LRRC24: variants seen among roughly 807,000 people sequenced by gnomAD.
The protein encoded by LRRC24 is leucine-rich repeat-containing protein 24.
LRRC24 carries 19 observed loss-of-function variants against 15.3 expected under a neutral mutation model. That is an observed-to-expected ratio of 1.25 (90% CI 0.87 to 1.83). The LOEUF is 1.83. Ranked by LOEUF, LRRC24 falls within the 40% of genes most tolerant of loss-of-function variation. The probability of loss-of-function intolerance (pLI) is 0.00; values close to 1 mark genes in which losing one functional copy is unlikely to be tolerated. For missense variants in LRRC24, 914 were observed against 723.9 expected (o/e 1.26, Z -3.01); for synonymous variants, 469 against 359.6 (o/e 1.30, Z -3.44).
intron 4 of LRRC24, 130 bp downstream of exon 4, chr8:144,523,980 G>A: frequency 4.6e-6 from 5 of 1,083,904 alleles, no homozygotes; most frequent in Middle Eastern, 6.3e-4. Context: ...CTCCAGTGTG[G>A]CTGCAGGCGG....
chr8:144,524,605 C>G lies in LRRC24; in HGVS notation c.274G>C (p.Gly92Arg). Residue 92 changes from glycine (G) to arginine (R), a missense_variant, in exon 3 of 5, where the codon GGC (glycine) becomes CGC (arginine). Physicochemically the swap from Gly to Arg is moderately radical, Grantham distance 125 (BLOSUM62 -2). Coordinates refer to ENST00000529415, the MANE Select transcript of LRRC24 (RefSeq NM_001024678.4). ...AGGCGCGGCTGCGCGCGGAAGGCGCCGGCCTCCAGGGCGCGCAGGCTGTTG... is the reference window on the plus strand; with the variant it reads ...AGGCGCGGCTGCGCGCGGAAGGCGCGGGCCTCCAGGGCGCGCAGGCTGTTG... ...HNNSLRALEA[G>R]AFRAQPRLLE... 1.3e-6 allele frequency: 2 copies of G among 1,526,880 alleles called. No individual in the cohort carries two copies. Among genetic ancestry groups the G allele is most frequent in the Non-Finnish European group, 8.7e-7 (1 of 1,145,744 alleles). The allele number at this position is 1,526,880 out of a possible 1,614,324, so 94.6% of individuals were successfully genotyped here.
In LRRC24 at chr8:144,522,491, T is replaced by G. The variant is rs1358667334; in HGVS notation, c.1526A>C (p.Tyr509Ser). The change falls in exon 5 of 5, where the codon TAC (tyrosine) becomes TCC (serine). Residue 509 changes from tyrosine to serine, a missense_variant. By Grantham distance (144) the Tyr-to-Ser change is moderately radical. Transcript: ENST00000529415. ...PGLRVPPPVA[Y>S]EIHC is the part of the protein sequence containing the mutation. ...CCCGCGGCCCTAGCAGTGGATCTCG[T>G]AGGCGACCGGCGGGGGCACGCGGAG... The G allele has an allele frequency of 6.7e-7, 1 of 1,493,016 alleles. No homozygotes were observed. The highest frequency in any genetic ancestry group is 8.9e-7 in the Non-Finnish European group (1 of 1,128,220). The allele number at this position is 1,493,016 out of a possible 1,614,324, so 92.5% of individuals were successfully genotyped here.
rs1378814634 is a variant in LRRC24 at position 144,522,695 on chromosome 8, T to A, written c.1322A>T (p.Glu441Val). 1 of 1,595,624 alleles carries A rather than the reference T, an allele frequency of 6.3e-7. No homozygotes were observed. The highest frequency in any genetic ancestry group is 1.7e-5 in the Admixed American group (1 of 58,302). The change falls in exon 5 of 5, where the codon GAG becomes GTG. Residue 441 changes from glutamate to valine, a missense_variant. Transcript: ENST00000529415. The stretch of plus-strand genomic sequence containing the variant: ...GTAGTCGTTGACGAACAGCGCTCCC[T>A]CCCCCGGAGGCCCCCGCGCCTTTTT... ...RRKKARGPPG[E>V]GALFVNDYLD...
chr8:144,522,911 G>GGCTGCTGCC lies in LRRC24; in HGVS notation c.1097_1105dup (p.Arg366_Gln368dup). ...AGGCGGCGGTTGCGCGGGCTGCTGC[G>GGCTGCTGCC]GCTGCTGCCGGGACGCGTTGACCAG... On this transcript the variant is annotated inframe_insertion, in exon 5 of 5. Coordinates refer to ENST00000529415, the MANE Select transcript of LRRC24 (RefSeq NM_001024678.4). 7.2e-7 allele frequency: 1 copy of GGCTGCTGCC among 1,381,042 alleles called. No homozygotes were observed. Among genetic ancestry groups the GGCTGCTGCC allele is most frequent in the Admixed American group, 3.4e-5 (1 of 29,668 alleles). 85.5% of individuals were successfully genotyped at this position (1,381,042 alleles called of 1,614,324 possible). A position where few individuals can be genotyped will look rare whatever the true frequency, so the allele number is the denominator to read the frequency against.
intron 1 of LRRC24, among the ~76,000 whole-genome samples, chr8:144,525,490 G>C (rs979684734): frequency 6.6e-6 from 1 of 152,210 alleles, no homozygotes; most frequent in African/African-American, 2.4e-5. Context: ...ATGGCTAGGA[G>C]GGGGAGAGCA....
In LRRC24 at chr8:144,523,293, G is replaced by A. The variant is rs1816204025; in HGVS notation, c.724C>T (p.Leu242=). 2 of 1,610,812 alleles carry A rather than the reference G, an allele frequency of 1.2e-6. No homozygotes were observed. Among genetic ancestry groups the A allele is most frequent in the East Asian group, 2.2e-5 (1 of 44,786 alleles). Residue 242 remains leucine (L), a synonymous_variant, in exon 5 of 5, where the codon CTG becomes TTG. Coordinates refer to ENST00000529415, the MANE Select transcript of LRRC24 (RefSeq NM_001024678.4). ...RKIMCAEPPR[L]ALQSLLDVSH... ...ACGTCCAGGAGACTCTGGAGCGCCA[G>A]GCGCGGGGGCTCTGCACACATGATC...
In LRRC24 at chr8:144,524,644, G is replaced by T; in HGVS notation, c.235C>A (p.Leu79Ile). Residue 79 changes from leucine to isoleucine, a missense_variant, in exon 3 of 5, where the codon CTC becomes ATC. Coordinates refer to ENST00000529415, the MANE Select transcript of LRRC24 (RefSeq NM_001024678.4). ...CGCAGGCTGTTGTTGTGCAGGTAGA[G>T]CCGGCGCAGAGCGGCGAGTGGCGCC... ...ALAPLAALRR[L>I]YLHNNSLRAL... is the part of the protein sequence containing the mutation. 6.6e-7 allele frequency: 1 copy of T among 1,512,236 alleles called. No individual in the cohort carries two copies. The allele number at this position is 1,512,236 out of a possible 1,614,324, so 93.7% of individuals were successfully genotyped here.
In LRRC24 at chr8:144,522,962, C is replaced by T. The variant is rs1415602118; in HGVS notation, c.1055G>A (p.Gly352Asp). ...KYECEASNAG[G>D]AARVPFRLLV... ...GAGCCGGAAGGGCACGCGGGCAGCG[C>T]CGCCGGCGTTGGAGGCCTCGCACTC... Residue 352 changes from glycine (G) to aspartate (D), a missense_variant, in exon 5 of 5, where the codon GGC (glycine) becomes GAC (aspartate). Coordinates refer to ENST00000529415, the MANE Select transcript of LRRC24 (RefSeq NM_001024678.4). The T allele has an allele frequency of 6.3e-7, 1 of 1,579,556 alleles. No homozygotes were observed. The highest frequency in any genetic ancestry group is 1.7e-5 in the Admixed American group (1 of 58,168).
chr8:144,522,983 C>T lies in LRRC24; in HGVS notation c.1034G>A (p.Cys345Tyr). 6.3e-7 allele frequency: 1 copy of T among 1,595,418 alleles called. No individual in the cohort carries two copies. The highest frequency in any genetic ancestry group is 8.5e-7 in the Non-Finnish European group (1 of 1,175,752). ...AGCGCCGCCGGCGTTGGAGGCCTCG[C>T]ACTCGTACTTACCGGCGTGCGCCAG... ...ITLAHAGKYE[C>Y]EASNAGGAAR... Residue 345 changes from cysteine (C) to tyrosine (Y), a missense_variant, in exon 5 of 5, where the codon TGC becomes TAC. Cys to Tyr is a radical substitution (Grantham distance 194, BLOSUM62 -2). Transcript: ENST00000529415.
Position 144,524,181 on chromosome 8 carries a change from C to G in LRRC24, c.536G>C (p.Arg179Thr). The change falls in exon 4 of 5, where the codon AGG (arginine) becomes ACG (threonine). Residue 179 changes from arginine (R) to threonine (T), a missense_variant. Arg to Thr is a moderately conservative substitution (Grantham distance 71). Coordinates refer to ENST00000529415, the MANE Select transcript of LRRC24 (RefSeq NM_001024678.4). ...LSSLALLDLS[R>T]NQLGTISREA... Reference sequence around the variant, plus strand: ...TCGGCTGATGGTGCCCAGCTGGTTCCTGCTGAGGTCCAGCAGTGCTAGGGA... The same window carrying G: ...TCGGCTGATGGTGCCCAGCTGGTTCGTGCTGAGGTCCAGCAGTGCTAGGGA... The G allele has an allele frequency of 6.2e-7, 1 of 1,611,740 alleles. No individual in the cohort carries two copies.
At chr8:144,525,460 C>G (rs189092534) in intron 1 of LRRC24, among the ~76,000 whole-genome samples, 1 of 152,134 alleles carries the variant, frequency 6.6e-6, no homozygotes, top group Non-Finnish European at 1.5e-5. Context: ...TGACAAAGCC[C>G]GGGGTCCCAT....
Position 144,522,592 on chromosome 8 carries a change from G to C in LRRC24, c.1425C>G (p.Arg475=). Residue 475 remains arginine, a synonymous_variant, in exon 5 of 5, where the codon CGC becomes CGG. Transcript: ENST00000529415. ...GACCCTCGGCGAAGAGCGGCTTGGA[G>C]CGGTTGATGACGAACATCTCGTGGC... The part of the protein sequence containing the change: ...ERGHEMFVIN[R]SKPLFAEGPA... 6.4e-7 allele frequency: 1 copy of C among 1,563,738 alleles called. No homozygotes were observed. Among genetic ancestry groups the C allele is most frequent in the Non-Finnish European group, 8.6e-7 (1 of 1,157,692 alleles).
At chr8:144,524,786 C>T (rs1209693700) in intron 2 of LRRC24, 30 bp downstream of exon 2, 2 of 1,436,108 alleles carry the variant, frequency 1.4e-6, no homozygotes, top group East Asian at 5.3e-5. Flanking sequence ...GGGGGCACCC[C>T]GTCCTCCCGC....
In LRRC24 at chr8:144,523,315, G is replaced by C; in HGVS notation, c.702C>G (p.Ile234Met). ...QRLLTSRDRK[I>M]MCAEPPRLAL... Reference sequence around the variant, plus strand: ...CCAGGCGCGGGGGCTCTGCACACATGATCTTCCTGTCCCTGGAGGTGAGCA... The same window carrying C: ...CCAGGCGCGGGGGCTCTGCACACATCATCTTCCTGTCCCTGGAGGTGAGCA... Residue 234 changes from isoleucine to methionine, a missense_variant, in exon 5 of 5, where the codon ATC becomes ATG. Physicochemically the swap from Ile to Met is conservative, Grantham distance 10 (BLOSUM62 1). Coordinates refer to ENST00000529415, the MANE Select transcript of LRRC24 (RefSeq NM_001024678.4). 6.2e-7 allele frequency: 1 copy of C among 1,609,564 alleles called. No homozygotes were observed. The highest frequency in any genetic ancestry group is 8.5e-7 in the Non-Finnish European group (1 of 1,178,064).
chr8:144,524,260 G>A lies in LRRC24; in HGVS notation c.457C>T (p.Leu153=), dbSNP rs1046391871. ...AGCAGCTCAATGCTGTTTTCTTGCAGGTGAAGCTCCTGCAGTCGCTGAAGT... is the reference window on the plus strand; with the variant it reads ...AGCAGCTCAATGCTGTTTTCTTGCAAGTGAAGCTCCTGCAGTCGCTGAAGT... The part of the protein sequence containing the change: ...LHLPRLQELH[L]QENSIELLED... The change falls in exon 4 of 5, where the codon CTG becomes TTG. Residue 153 remains leucine, a synonymous_variant. Coordinates refer to ENST00000529415, the MANE Select transcript of LRRC24 (RefSeq NM_001024678.4). 3 of 1,612,346 alleles carry A rather than the reference G, an allele frequency of 1.9e-6. No homozygotes were observed. The highest frequency in any genetic ancestry group is 1.7e-5 in the Admixed American group (1 of 60,022).
chr8:144,526,899 G>C (rs1204461739), intron 1 of LRRC24, 61 bp downstream of exon 1: 3 of 152,220 alleles, frequency 2.0e-5, no homozygotes, highest in Non-Finnish European at 4.4e-5. Context: ...TCAGAGCCGG[G>C]ATGGTCCCCG....
At position 144,524,123 on chromosome 8, in the gene LRRC24, G is replaced by A. The variant is rs1462888591; in HGVS notation, c.594C>T (p.Val198=). The A allele has an allele frequency of 6.2e-7, 1 of 1,602,902 alleles. No homozygotes were observed. Among genetic ancestry groups the A allele is most frequent in the African/African-American group, 1.3e-5 (1 of 74,812 alleles). ...EALQPLASLQ[V]LRLTENPWRC... ...AGGAAGAGGTACCTGTGAGGCGCAG[G>A]ACTTGCAGACTGGCCAGGGGCTGCA... Residue 198 remains valine, a synonymous_variant, in exon 4 of 5, where the codon GTC becomes GTT. Coordinates refer to ENST00000529415, the MANE Select transcript of LRRC24 (RefSeq NM_001024678.4).
At position 144,524,875 on chromosome 8, in the gene LRRC24, C is replaced by T; in HGVS notation, c.100G>A (p.Val34Met). ...CGCAACCGCAGGGCGCCACACTCCA[C>T]CGTGGCGCTGTAGCAGCGGCAGGCT... ...PAACRCYSAT[V>M]ECGALRLRVV... Residue 34 changes from valine (V) to methionine (M), a missense_variant, in exon 2 of 5, where the codon GTG becomes ATG. By Grantham distance (21) the Val-to-Met change is conservative. Coordinates refer to ENST00000529415, the MANE Select transcript of LRRC24 (RefSeq NM_001024678.4). 10 of 1,512,584 alleles carry T rather than the reference C, an allele frequency of 6.6e-6. No individual in the cohort carries two copies. The highest frequency in any genetic ancestry group is 8.8e-6 in the Non-Finnish European group (10 of 1,131,864). The allele number at this position is 1,512,584 out of a possible 1,614,324, so 93.7% of individuals were successfully genotyped here.
chr8:144,523,356 CCTT>C lies in LRRC24; in HGVS notation c.658_660del (p.Lys220del), dbSNP rs1310399530. Reference sequence around the variant, plus strand: ...GAGGTGAGCAGCCGCTGGCCGCCCTCCTTGATCCAGGCACCCAGCCAGTGCAGG... The same window carrying C: ...GAGGTGAGCAGCCGCTGGCCGCCCTCGATCCAGGCACCCAGCCAGTGCAGG... On this transcript the variant is annotated inframe_deletion, in exon 5 of 5. Coordinates refer to ENST00000529415, the MANE Select transcript of LRRC24 (RefSeq NM_001024678.4). 1 of 1,581,474 alleles carries C rather than the reference CCTT, an allele frequency of 6.3e-7. No individual in the cohort carries two copies. Among genetic ancestry groups the C allele is most frequent in the African/African-American group, 1.3e-5 (1 of 74,190 alleles).
Sources: gnomAD v4.1 joint callset for allele counts (sites outside exome capture counted in the v4.1 genomes callset) on GRCh38, gnomAD v4.1.1 for gene constraint, MANE v1.5 for transcripts, NCBI Gene and HGNC (gene_info 2026-07-23, HGNC 2026-07-21) for gene names.